FRK: variants seen among roughly 807,000 people sequenced by gnomAD.
FRK encodes the protein tyrosine-protein kinase FRK.
FRK carries 51 observed loss-of-function variants against 56.4 expected under a neutral mutation model. The observed-to-expected ratio is 0.90, with a 90% CI of 0.72 to 1.14. The LOEUF (loss-of-function observed/expected upper bound fraction) is 1.14. FRK is among the 50% of genes most tolerant of loss of function. The probability of loss-of-function intolerance (pLI) is 0.00; values close to 1 mark genes in which losing one functional copy is unlikely to be tolerated. For synonymous variants in FRK, 245 were observed against 217.9 expected, an observed-to-expected ratio of 1.12 and a Z score of -1.10; for missense variants, 570 against 601.4, an observed-to-expected ratio of 0.95 and a Z score of 0.55.
the FRK span, among the ~76,000 whole-genome samples, chr6:116,091,326 G>A: frequency 6.6e-6 from 1 of 152,154 alleles, no homozygotes; most frequent in African/African-American, 2.4e-5. Context: ...GGACATGGGT[G>A]GGGACAAATA....
At chr6:115,986,342 G>A (rs1301981531) in intron 2 of FRK, among the ~76,000 whole-genome samples, 2 of 152,048 alleles carry the variant, frequency 1.3e-5, no homozygotes, top group African/African-American at 2.4e-5. Flanking sequence ...GGTACATGGA[G>A]ATTACCCTAG....
At chr6:116,092,470 A>C in the FRK span, among the ~76,000 whole-genome samples, 1 of 152,142 alleles carries the variant, frequency 6.6e-6, no homozygotes, top group Non-Finnish European at 1.5e-5. Flanking sequence ...GTTTTTGAGA[A>C]TGCATCGGTA....
the FRK span, among the ~76,000 whole-genome samples, chr6:116,083,687 G>C: frequency 6.6e-6 from 1 of 152,138 alleles, no homozygotes; most frequent in South Asian, 2.1e-4. Context: ...CAAGTTCCCA[G>C]GTACTACTGC....
upstream of FRK, among the ~76,000 whole-genome samples, chr6:116,065,876 T>C (rs1375275761): frequency 6.6e-6 from 1 of 152,224 alleles, no homozygotes; most frequent in East Asian, 1.9e-4. Flanking sequence ...ATATCTTATG[T>C]AGTCTAATAT....
At chr6:116,045,309 C>T (rs534248099) in intron 1 of FRK, among the ~76,000 whole-genome samples, 12 of 152,294 alleles carry the variant, frequency 7.9e-5, no homozygotes, top group Non-Finnish European at 1.8e-4. Flanking sequence ...AAGCTGGAGG[C>T]ATCATGCCAC....
intron 1 of FRK, among the ~76,000 whole-genome samples, chr6:116,024,588 C>T (rs866771185): frequency 1.2e-4 from 19 of 152,142 alleles, no homozygotes; most frequent in South Asian, 2.1e-4. Flanking sequence ...CTACAAAGGA[C>T]ATGAACTCAT....
the FRK span, among the ~76,000 whole-genome samples, chr6:116,074,953 C>G: frequency 6.6e-6 from 1 of 152,186 alleles, no homozygotes; most frequent in African/African-American, 2.4e-5. Context: ...AGCCAGGCAG[C>G]AATATATACT....
chr6:116,015,940 G>C (rs1226088172), intron 1 of FRK, among the ~76,000 whole-genome samples: 1 of 152,158 alleles, frequency 6.6e-6, no homozygotes, highest in East Asian at 1.9e-4. Flanking sequence ...TTATTTATCA[G>C]GGAAGCAGAG....
chr6:115,946,757 G>T lies in FRK; in HGVS notation c.959-2332C>A, dbSNP rs183457938. Among the ~76,000 whole-genome samples, 27 of 152,308 alleles carry T rather than the reference G, an allele frequency of 1.8e-4. No individual in the cohort carries two copies. In the East Asian group the frequency reaches 5.0e-3, roughly 28 times the overall value. On this transcript the variant is annotated intron_variant, in intron 5 of 7. Transcript: ENST00000606080. ...GAAAACCGTGAAGAATCAGCCAGAA[G>T]AATATGAGAAGAAAACCACTGGAGA...
chr6:116,095,388 T>C, the FRK span, among the ~76,000 whole-genome samples: 1 of 152,250 alleles, frequency 6.6e-6, no homozygotes, highest in Admixed American at 6.5e-5. Context: ...GCCATCTATA[T>C]CAATTCTAAG....
At chr6:116,099,173 G>C in the FRK span, among the ~76,000 whole-genome samples, 1 of 152,108 alleles carries the variant, frequency 6.6e-6, no homozygotes, top group African/African-American at 2.4e-5. Flanking sequence ...CTTACCCCAA[G>C]TCAATTTCCT....
chr6:116,023,871 T>C (rs1775973358), intron 1 of FRK, among the ~76,000 whole-genome samples: 1 of 152,216 alleles, frequency 6.6e-6, no homozygotes, highest in Non-Finnish European at 1.5e-5. Flanking sequence ...TATTTTACTG[T>C]GTGTAAACTG....
At chr6:115,960,427 C>A (rs1773304792) in intron 4 of FRK, among the ~76,000 whole-genome samples, 1 of 150,468 alleles carries the variant, frequency 6.6e-6, no homozygotes, top group Admixed American at 6.6e-5. Context: ...GCTAGCACAG[C>A]AGTCTGAGAT....
upstream of FRK, among the ~76,000 whole-genome samples, chr6:116,063,474 G>C (rs1049694991): frequency 6.6e-6 from 1 of 151,710 alleles, no homozygotes; most frequent in Non-Finnish European, 1.5e-5. Flanking sequence ...AATACTGCAT[G>C]TTCTGACTTA....
intron 1 of FRK, among the ~76,000 whole-genome samples, chr6:116,023,714 A>C (rs1775966578): frequency 6.6e-6 from 1 of 152,090 alleles, no homozygotes; most frequent in Non-Finnish European, 1.5e-5. Flanking sequence ...CCTGGTGCAT[A>C]AGGAGGCGAG....
At chr6:116,083,469 G>A in the FRK span, among the ~76,000 whole-genome samples, 2 of 151,838 alleles carry the variant, frequency 1.3e-5, no homozygotes, top group African/African-American at 2.4e-5. Context: ...GAGGGGGGAA[G>A]CAGTATTTTT....
chr6:115,974,589 T>G (rs1221554652), intron 2 of FRK, among the ~76,000 whole-genome samples: 1 of 152,194 alleles, frequency 6.6e-6, no homozygotes, highest in Non-Finnish European at 1.5e-5. Context: ...GGCCTTGATT[T>G]CTTTATTATT....
At chr6:116,002,862 C>A in intron 2 of FRK, 2 of 346,948 alleles carry the variant, frequency 5.8e-6, no homozygotes, top group Non-Finnish European at 6.0e-6. Context: ...TTTGGGACTA[C>A]CAGGTGTGGA....
chr6:116,027,574 A>G (rs1217884121), intron 1 of FRK, among the ~76,000 whole-genome samples: 1 of 152,168 alleles, frequency 6.6e-6, no homozygotes, highest in Non-Finnish European at 1.5e-5. Context: ...TCATCAAATT[A>G]TAAAAGGTCA....
Sources: gnomAD v4.1 joint callset for allele counts (sites outside exome capture counted in the v4.1 genomes callset) on GRCh38, gnomAD v4.1.1 for gene constraint, MANE v1.5 for transcripts, NCBI Gene and HGNC (gene_info 2026-07-23, HGNC 2026-07-21) for gene names.